MICAL3: variants seen among roughly 807,000 people sequenced by gnomAD.
MICAL3 encodes [F-actin]-monooxygenase MICAL3.
MICAL3 carries 62 observed loss-of-function variants against 207.4 expected under a neutral mutation model. The observed-to-expected ratio is 0.30, with a 90% CI of 0.24 to 0.37. MICAL3 has a LOEUF of 0.37. MICAL3 is among the 10% of genes least tolerant of loss of function. The probability of loss-of-function intolerance (pLI) is 1.00; values close to 1 mark genes in which losing one functional copy is unlikely to be tolerated. For synonymous variants in MICAL3, 1,077 were observed against 1,069.3 expected, an observed-to-expected ratio of 1.01 and a Z score of -0.14; for missense variants, 2,368 against 2,635.6, an observed-to-expected ratio of 0.90 and a Z score of 2.22.
intron 23 of MICAL3, among the ~76,000 whole-genome samples, chr22:17,822,582 C>T (rs188765395): frequency 1.0e-3 from 152 of 152,340 alleles, no homozygotes; most frequent in Non-Finnish European, 1.6e-3. Context: ...CCCTCGCAAG[C>T]TTGGGTTCTT....
intron 1 of MICAL3, among the ~76,000 whole-genome samples, chr22:17,937,443 C>T (rs1933590873): frequency 6.6e-6 from 1 of 152,168 alleles, no homozygotes; most frequent in Non-Finnish European, 1.5e-5. Context: ...GTGGGCAGAT[C>T]ACCTGAGGTC....
intron 1 of MICAL3, among the ~76,000 whole-genome samples, chr22:17,977,078 C>CA (rs752254587): frequency 7.9e-5 from 12 of 152,036 alleles, no homozygotes; most frequent in East Asian, 3.9e-4. Context: ...GCTGGGATTA[C>CA]GGCGTGAGCC....
At chr22:17,944,011 C>T (rs992612496) in intron 1 of MICAL3, among the ~76,000 whole-genome samples, 42 of 152,338 alleles carry the variant, frequency 2.8e-4, no homozygotes, top group African/African-American at 9.9e-4. Context: ...CCTCCCACCC[C>T]TGCCAACACT....
chr22:17,929,787 C>G (rs1404933520), intron 1 of MICAL3, among the ~76,000 whole-genome samples: 1 of 152,074 alleles, frequency 6.6e-6, no homozygotes, highest in African/African-American at 2.4e-5. Context: ...AGGCTGGTCT[C>G]GAACTCCTGA....
intron 1 of MICAL3, among the ~76,000 whole-genome samples, chr22:17,975,359 C>G (rs1182875121): frequency 1.3e-5 from 2 of 151,976 alleles, no homozygotes; most frequent in Non-Finnish European, 2.9e-5. Flanking sequence ...AATGAAAAGC[C>G]CGCAAATTTA....
chr22:17,918,585 T>C (rs1932687065), intron 1 of MICAL3, among the ~76,000 whole-genome samples: 1 of 152,086 alleles, frequency 6.6e-6, no homozygotes, highest in African/African-American at 2.4e-5. Flanking sequence ...GAAAAGCACA[T>C]AATAGCACTC....
At chr22:17,795,362 TG>T (rs1306241699) in intron 29 of MICAL3, among the ~76,000 whole-genome samples, 1 of 152,120 alleles carries the variant, frequency 6.6e-6, no homozygotes, top group Admixed American at 6.5e-5. Context: ...TGCCACCTCC[TG>T]GGACTGGTGT....
intron 1 of MICAL3, among the ~76,000 whole-genome samples, chr22:18,003,182 T>C (rs1263158115): frequency 6.6e-6 from 1 of 151,864 alleles, no homozygotes. Flanking sequence ...AAAAGAACTT[T>C]AGTTGAAAGT....
At chr22:17,849,698 T>G (rs1442133466) in intron 19 of MICAL3, among the ~76,000 whole-genome samples, 3 of 137,846 alleles carry the variant, frequency 2.2e-5, no homozygotes, top group Admixed American at 7.2e-5. Flanking sequence ...ATTTTTTTTT[T>G]TTTTTTTTTT....
At chr22:17,948,321 G>A (rs1206019665) in intron 1 of MICAL3, among the ~76,000 whole-genome samples, 1 of 152,228 alleles carries the variant, frequency 6.6e-6, no homozygotes, top group Non-Finnish European at 1.5e-5. Flanking sequence ...AATCCCAAGA[G>A]CTCCCAGAAC....
At chr22:17,910,611 G>A (rs1313657888) in intron 1 of MICAL3, among the ~76,000 whole-genome samples, 1 of 152,132 alleles carries the variant, frequency 6.6e-6, no homozygotes, top group Non-Finnish European at 1.5e-5. Context: ...AAGGTAAGAC[G>A]ACACAAGATG....
chr22:18,009,155 C>A (rs1213548522), intron 1 of MICAL3, among the ~76,000 whole-genome samples: 1 of 131,346 alleles, frequency 7.6e-6, no homozygotes, highest in Non-Finnish European at 1.6e-5. Flanking sequence ...TCTACAATTG[C>A]ACATCACAAT....
chr22:17,890,985 G>A (rs966941556), intron 12 of MICAL3, among the ~76,000 whole-genome samples: 1 of 152,232 alleles, frequency 6.6e-6, no homozygotes. Flanking sequence ...CTTTAACACA[G>A]AGAAAATACC....
At chr22:17,863,469 T>C in intron 19 of MICAL3, 2 of 985,458 alleles carry the variant, frequency 2.0e-6, no homozygotes, top group Non-Finnish European at 2.4e-6. Flanking sequence ...TCTGAGAGTG[T>C]CAGCTGCAAA....
intron 9 of MICAL3, among the ~76,000 whole-genome samples, chr22:17,895,618 G>GGA (rs1930760395): frequency 6.6e-6 from 1 of 152,044 alleles, no homozygotes; most frequent in South Asian, 2.1e-4. Context: ...TAAGAGCCGA[G>GGA]GAGAGAGAGC....
At position 17,906,901 on chromosome 22, in the gene MICAL3, G is replaced by A; in HGVS notation, c.-74-15C>T. The A allele has an allele frequency of 7.8e-7, 1 of 1,289,092 alleles. No homozygotes were observed. The highest frequency in any genetic ancestry group is 1.5e-5 in the South Asian group (1 of 67,264). The allele number at this position is 1,289,092 out of a possible 1,614,324, so 79.9% of individuals were successfully genotyped here. On this transcript the variant is annotated splice_polypyrimidine_tract_variant and intron_variant, in intron 1 of 31. Transcript: ENST00000441493. ...GTCACGTTAATCTGACAAAAAGAAA[G>A]AAAAACGTGGTTAGCATTTCTCTGT... is the stretch of plus-strand genomic sequence containing the variant.
intron 25 of MICAL3, among the ~76,000 whole-genome samples, chr22:17,820,943 T>A (rs1921551021): frequency 1.4e-5 from 2 of 142,306 alleles, no homozygotes; most frequent in African/African-American, 2.6e-5. Context: ...TAAATTTATG[T>A]TTATAAACAT....
intron 1 of MICAL3, among the ~76,000 whole-genome samples, chr22:17,959,985 C>T (rs1934822331): frequency 6.6e-6 from 1 of 152,220 alleles, no homozygotes; most frequent in South Asian, 2.1e-4. Context: ...TAGGAGTGCA[C>T]TCTGTAAGCA....
chr22:17,929,572 T>TC lies in MICAL3; in HGVS notation c.-74-22687_-74-22686insG, dbSNP rs546158384. ...TTCTTTCTTTCCTTTTCTTTTCTTT[T>TC]TTTTTTTTTTTTTTTGACAGGGTCT... On this transcript the variant is annotated intron_variant, in intron 1 of 31. Coordinates refer to ENST00000441493, the MANE Select transcript of MICAL3 (RefSeq NM_015241.3). 7.3e-3 allele frequency among the ~76,000 whole-genome samples: 944 copies of TC among 128,760 alleles called. 4 individuals carry two copies. Among genetic ancestry groups the TC allele is most frequent in the South Asian group, 0.022 (86 of 3,998 alleles). The allele number at this position is 128,760 out of a possible 152,430, so 84.5% of individuals were successfully genotyped here.
Sources: gnomAD v4.1 joint callset for allele counts (sites outside exome capture counted in the v4.1 genomes callset) on GRCh38, gnomAD v4.1.1 for gene constraint, MANE v1.5 for transcripts, NCBI Gene and HGNC (gene_info 2026-07-23, HGNC 2026-07-21) for gene names.